The following RASAL2 variants were observed in gnomAD, a reference collection of about 807,000 sequenced individuals.
RASAL2 encodes RAS protein activator like 2.
In RASAL2, 58 loss-of-function variants were observed where a neutral mutation model predicts 128.9. The ratio of observed to expected loss-of-function variants is 0.45; its 90% CI spans 0.36 to 0.56. The LOEUF (loss-of-function observed/expected upper bound fraction) is 0.56, where lower values mean the gene tolerates loss of function less well. Among genes scored for constraint, RASAL2 ranks in the 20% least tolerant of loss-of-function variants. The probability of loss-of-function intolerance (pLI) is 0.00; values close to 1 mark genes in which losing one functional copy is unlikely to be tolerated. For synonymous variants in RASAL2, 561 were observed against 580.8 expected (o/e 0.97, Z 0.49); for missense variants, 1,360 against 1,601.6 (o/e 0.85, Z 2.57).
At chr1:178,118,904 G>A (rs1659614114) in intron 1 of RASAL2, among the ~76,000 whole-genome samples, 2 of 151,156 alleles carry the variant, frequency 1.3e-5, no homozygotes. Flanking sequence ...TTTCGCTCTT[G>A]TTGCCCAGGC....
chr1:178,342,291 C>A (rs1669922537), intron 3 of RASAL2, among the ~76,000 whole-genome samples: 1 of 152,130 alleles, frequency 6.6e-6, no homozygotes, highest in South Asian at 2.1e-4. Context: ...AAGGTACTTG[C>A]CCAAGGTCAG....
intron 3 of RASAL2, among the ~76,000 whole-genome samples, chr1:178,381,446 C>T (rs1160045256): frequency 1.3e-5 from 2 of 152,168 alleles, no homozygotes; most frequent in Non-Finnish European, 1.5e-5. Context: ...AAATCAACAT[C>T]ATAGGCTCCT....
intron 3 of RASAL2, among the ~76,000 whole-genome samples, chr1:178,377,397 A>G (rs1187250172): frequency 6.6e-6 from 1 of 151,710 alleles, no homozygotes; most frequent in Non-Finnish European, 1.5e-5. Context: ...AAGGAAAGGA[A>G]GTCCCCAGGA....
chr1:178,392,430 A>G (rs2102614944), intron 4 of RASAL2, among the ~76,000 whole-genome samples: 1 of 152,286 alleles, frequency 6.6e-6, no homozygotes, highest in Non-Finnish European at 1.5e-5. Context: ...GTATGTGGGC[A>G]AAAATCGCAG....
At chr1:178,395,828 A>C (rs1673190612) in intron 4 of RASAL2, among the ~76,000 whole-genome samples, 1 of 145,148 alleles carries the variant, frequency 6.9e-6, no homozygotes, top group African/African-American at 2.7e-5. Flanking sequence ...TATAGATATG[A>C]GTATATTCAT....
At chr1:178,412,099 A>C (rs1312890035) in intron 4 of RASAL2, 1 of 318,608 alleles carries the variant, frequency 3.1e-6, no homozygotes, top group Non-Finnish European at 5.9e-6. Flanking sequence ...AGGGGAGGAT[A>C]CTGAGTAATG....
chr1:178,429,271 A>G (rs567160827), intron 5 of RASAL2, among the ~76,000 whole-genome samples: 1 of 152,232 alleles, frequency 6.6e-6, no homozygotes, highest in East Asian at 1.9e-4. Context: ...CAAAAGCATC[A>G]ATGCTCTTGC....
chr1:178,435,167 C>T (rs1252605880), intron 5 of RASAL2, among the ~76,000 whole-genome samples: 1 of 151,900 alleles, frequency 6.6e-6, no homozygotes, highest in African/African-American at 2.4e-5. Flanking sequence ...CACTGGAGTC[C>T]AGGATTTTAT....
At chr1:178,299,939 G>A (rs986534975) in intron 2 of RASAL2, 53 bp from the exon 3 acceptor site, 8 of 1,575,188 alleles carry the variant, frequency 5.1e-6, no homozygotes, top group African/African-American at 2.7e-5. Context: ...CAATCAGAAC[G>A]TAGTTATGGT....
Position 178,473,369 on chromosome 1 carries a change from T to C in RASAL2, c.*130T>C. On this transcript the variant is annotated 3_prime_UTR_variant, in exon 18 of 18. Coordinates refer to ENST00000367649, the MANE Select transcript of RASAL2 (RefSeq NM_170692.4). Reference sequence around the variant, plus strand: ...GGCGATGTGGTGAGAAACTCCTGAATGAAGAAAGGAACCTTGTCTTTCAGG... The same window carrying C: ...GGCGATGTGGTGAGAAACTCCTGAACGAAGAAAGGAACCTTGTCTTTCAGG... 1 of 1,172,450 alleles carries C rather than the reference T, an allele frequency of 8.5e-7. No individual in the cohort carries two copies. The allele number at this position is 1,172,450 out of a possible 1,614,324, so 72.6% of individuals were successfully genotyped here.
intron 1 of RASAL2, among the ~76,000 whole-genome samples, chr1:178,254,187 C>T (rs989727922): frequency 6.6e-6 from 1 of 152,126 alleles, no homozygotes; most frequent in South Asian, 2.1e-4. Flanking sequence ...TTTTGCTGCT[C>T]CTTCTTCCCC....
intron 17 of RASAL2, among the ~76,000 whole-genome samples, chr1:178,469,066 G>A (rs943505712): frequency 2.0e-5 from 3 of 152,172 alleles, no homozygotes; most frequent in African/African-American, 7.2e-5. Flanking sequence ...GGGAGGCTGA[G>A]GCAGGCGGAT....
chr1:178,363,628 A>G (rs2102487829), intron 3 of RASAL2, among the ~76,000 whole-genome samples: 1 of 152,362 alleles, frequency 6.6e-6, no homozygotes, highest in Non-Finnish European at 1.5e-5. Context: ...GCAAATAACC[A>G]TGTCAAATAC....
chr1:178,322,593 T>C (rs902120748), intron 3 of RASAL2, among the ~76,000 whole-genome samples: 1 of 152,248 alleles, frequency 6.6e-6, no homozygotes, highest in Admixed American at 6.5e-5. Context: ...CCACCATCCT[T>C]CTAGTCATTC....
In RASAL2 at chr1:178,387,556, G is replaced by A. The variant is rs538037541; in HGVS notation, c.458-2544G>A. ...TACCCCACAACAGTCCCCGGAGTGT[G>A]ATGTTCCCCTTCCTGTGTCCATGTG... On this transcript the variant is annotated intron_variant, in intron 3 of 17. Transcript: ENST00000367649. 3.3e-3 allele frequency among the ~76,000 whole-genome samples: 495 copies of A among 150,724 alleles called. 4 individuals are homozygous for A. The highest frequency in any genetic ancestry group is 0.012 in the African/African-American group (479 of 40,944).
At chr1:178,251,743 A>G (rs543452) in intron 1 of RASAL2, among the ~76,000 whole-genome samples, 104,265 of 152,080 alleles carry the variant, frequency 0.69, 38,052 homozygotes, top group East Asian at 0.81. Flanking sequence ...AAAAAAGTAA[A>G]ACAGTCTTTT....
intron 1 of RASAL2, among the ~76,000 whole-genome samples, chr1:178,235,349 C>T (rs1419080353): frequency 6.6e-6 from 1 of 152,138 alleles, no homozygotes. Flanking sequence ...GTATACCAAG[C>T]TATTTTTGAC....
chr1:178,157,190 C>A (rs895444628), intron 1 of RASAL2, among the ~76,000 whole-genome samples: 6 of 152,134 alleles, frequency 3.9e-5, no homozygotes. Flanking sequence ...TAATTTTGAT[C>A]TATTGCATTT....
intron 1 of RASAL2, among the ~76,000 whole-genome samples, chr1:178,114,670 C>T (rs1659460551): frequency 6.6e-6 from 1 of 151,992 alleles, no homozygotes; most frequent in Non-Finnish European, 1.5e-5. Flanking sequence ...TACAGGCGCC[C>T]ACCACCACGC....
Sources: allele counts gnomAD v4.1 joint callset (sites outside exome capture counted in the v4.1 genomes callset), GRCh38; gene constraint gnomAD v4.1.1; transcripts MANE v1.5; gene names NCBI Gene and HGNC (gene_info 2026-07-23, HGNC 2026-07-21).